CSF1R: variants seen among roughly 807,000 people sequenced by gnomAD.
CSF1R encodes the protein colony stimulating factor 1 receptor, also known as macrophage colony-stimulating factor 1 receptor.
In CSF1R, 40 loss-of-function variants were observed where a neutral mutation model predicts 110.0. The observed-to-expected ratio is 0.36, with a 90% CI of 0.28 to 0.47. The LOEUF (loss-of-function observed/expected upper bound fraction) is 0.47. CSF1R is among the 20% of genes least tolerant of loss of function. The probability of loss-of-function intolerance (pLI) is 0.99; values close to 1 mark genes in which losing one functional copy is unlikely to be tolerated. For missense variants in CSF1R, 1,052 were observed against 1,253.0 expected (o/e 0.84, Z 2.42); for synonymous variants, 523 against 503.4 (o/e 1.04, Z -0.52).
At chr5:150,057,199 C>T in intron 16 of CSF1R, 88 bp downstream of exon 16, 2 of 1,137,350 alleles carry the variant, frequency 1.8e-6, no homozygotes, top group Non-Finnish European at 2.6e-6. Flanking sequence ...CTCACAGGCT[C>T]CCGTTTCCTC....
intron 1 of CSF1R, 125 bp from the exon 2 acceptor site, chr5:150,081,149 C>T (rs1186228743): frequency 5.1e-5 from 54 of 1,050,958 alleles, no homozygotes; most frequent in Admixed American, 6.6e-5. Flanking sequence ...CCACCTTGAA[C>T]GAGCCCCTGC....
intron 1 of CSF1R, among the ~76,000 whole-genome samples, chr5:150,101,727 C>G (rs1322561095): frequency 5.9e-5 from 9 of 151,344 alleles, no homozygotes; most frequent in Non-Finnish European, 1.2e-4. Context: ...TACACTGTCC[C>G]CATAAATGGA....
Position 150,071,213 on chromosome 5 carries a change from T to A in CSF1R, c.1083-642A>T, listed in dbSNP as rs1276081966. Among the ~76,000 whole-genome samples, 5 of 152,198 alleles carry A rather than the reference T, an allele frequency of 3.3e-5. No individual in the cohort carries two copies. The South Asian group carries it at 6.2e-4, about 19-fold the overall frequency. On this transcript the variant is annotated intron_variant, in intron 6 of 20. Coordinates refer to ENST00000675795, the MANE Select transcript of CSF1R (RefSeq NM_001288705.3). ...CACTCAATTCAATGGTACCCTTTAT[T>A]ACAGAAAAGGCCCTGGAGCAAAAAC...
At chr5:150,061,425 CA>C (rs1315060488) in intron 12 of CSF1R, 65 bp downstream of exon 12, 2 of 1,296,628 alleles carry the variant, frequency 1.5e-6, no homozygotes, top group Non-Finnish European at 2.2e-6. Context: ...CTTGTGACAC[CA>C]GGGCCAGCCC....
intron 9 of CSF1R, 116 bp from the exon 10 acceptor site, chr5:150,068,446 T>C: frequency 6.1e-6 from 4 of 653,248 alleles, no homozygotes; most frequent in Non-Finnish European, 1.0e-5. Flanking sequence ...GTTGACTGAA[T>C]GAAGCATCCT....
At chr5:150,113,299 CTCTTCCTCTTCT>C (rs1239281385) in exon 1 of CSF1R, 1 of 156,848 alleles carries the variant, frequency 6.4e-6, no homozygotes, top group African/African-American at 2.4e-5. Flanking sequence ...CTTCCTCTTC[CTCTTCCTCTTCT>C]CTCTTCTCCA....
At chr5:150,103,736 T>C (rs1276424588) in intron 1 of CSF1R, among the ~76,000 whole-genome samples, 2 of 151,964 alleles carry the variant, frequency 1.3e-5, no homozygotes, top group African/African-American at 4.8e-5. Flanking sequence ...GGAGAGGGAA[T>C]AGCATAGGGG....
intron 10 of CSF1R, among the ~76,000 whole-genome samples, chr5:150,065,009 G>A (rs927167660): frequency 1.3e-5 from 2 of 152,206 alleles, no homozygotes; most frequent in Non-Finnish European, 2.9e-5. Context: ...AAGGGTGGAC[G>A]TAATTGTCAT....
chr5:150,080,152 G>T lies in CSF1R; in HGVS notation c.492C>A (p.Ile164=). 2.5e-6 allele frequency: 4 copies of T among 1,614,096 alleles called. No individual in the cohort carries two copies. Among genetic ancestry groups the T allele is most frequent in the Non-Finnish European group, 3.4e-6 (4 of 1,180,054 alleles). The change falls in exon 3 of 21, where the codon ATC becomes ATA. Residue 164 remains isoleucine, a synonymous_variant. Transcript: ENST00000675795. ...GGCTCTGAATGAACTTGGCCCTGTG[G>T]ATGGTGAAGCCATGCCAGGGCGAGA... is the stretch of plus-strand genomic sequence containing the variant. ...YSFSPWHGFT[I]HRAKFIQSQD...
chr5:150,074,804 C>T (rs749827286), intron 5 of CSF1R, among the ~76,000 whole-genome samples: 9 of 152,024 alleles, frequency 5.9e-5, no homozygotes, highest in East Asian at 1.9e-4. Flanking sequence ...CAAATCAGGT[C>T]TCACTGTGCT....
chr5:150,099,920 A>G (rs1189880630), intron 1 of CSF1R, among the ~76,000 whole-genome samples: 1 of 152,246 alleles, frequency 6.6e-6, no homozygotes, highest in African/African-American at 2.4e-5. Context: ...AAGGGCCAGG[A>G]ATAACCAAGA....
At chr5:150,089,987 G>A (rs1020907890), upstream of CSF1R, among the ~76,000 whole-genome samples, 4 of 152,226 alleles carry the variant, frequency 2.6e-5, no homozygotes, top group Admixed American at 2.0e-4. Context: ...GCAGAAGAAT[G>A]AAGTTGAATC....
chr5:150,074,548 T>A (rs1284045689), intron 5 of CSF1R, among the ~76,000 whole-genome samples: 1 of 152,098 alleles, frequency 6.6e-6, no homozygotes, highest in African/African-American at 2.4e-5. Context: ...GGCAAGGGAA[T>A]TGTGGCAAGA....
intron 1 of CSF1R, among the ~76,000 whole-genome samples, chr5:150,095,705 G>A (rs1581344120): frequency 7.2e-6 from 1 of 138,378 alleles, no homozygotes; most frequent in East Asian, 2.1e-4. Flanking sequence ...AAGAGTTAGG[G>A]AAAATTAATA....
intron 6 of CSF1R, among the ~76,000 whole-genome samples, chr5:150,072,925 A>G (rs1758088259): frequency 6.6e-6 from 1 of 152,174 alleles, no homozygotes; most frequent in African/African-American, 2.4e-5. Context: ...TTGTGCAGTC[A>G]TTATCAGGAG....
rs1255014994 is a variant in CSF1R, at chr5:150,070,300, G to A, written c.1201C>T (p.Pro401Ser). ...GTCCATATGACGCTTACCTCTGGGG[G>A]GTCTGAGGAAGAAAGGAGGAGGCCC... ...ALTFELTLRY[P>S]PEVSVIWTFI... is the part of the protein sequence containing the mutation. Residue 401 changes from proline to serine, a missense_variant and splice_region_variant, in exon 8 of 21, where the codon CCC becomes TCC. Transcript: ENST00000675795. 1 of 1,613,324 alleles carries A rather than the reference G, an allele frequency of 6.2e-7. No homozygotes were observed. Among genetic ancestry groups the A allele is most frequent in the Non-Finnish European group, 8.5e-7 (1 of 1,179,520 alleles).
chr5:150,101,069 A>T (rs1359062497), intron 1 of CSF1R, among the ~76,000 whole-genome samples: 1 of 150,430 alleles, frequency 6.6e-6, no homozygotes, highest in Non-Finnish European at 1.5e-5. Flanking sequence ...AGTTGCTCTC[A>T]GAAAAAAAAA....
chr5:150,081,888 C>T (rs1247322104), intron 1 of CSF1R, among the ~76,000 whole-genome samples: 1 of 152,194 alleles, frequency 6.6e-6, no homozygotes, highest in Non-Finnish European at 1.5e-5. Flanking sequence ...GCCTCTGCAG[C>T]GTCAGCATTT....
At position 150,061,074 on chromosome 5, in the gene CSF1R, G is replaced by A. The variant is rs1757492870; in HGVS notation, c.1859-102C>T. On this transcript the variant is annotated intron_variant, in intron 12 of 20. Transcript: ENST00000675795. The stretch of plus-strand genomic sequence containing the variant: ...ATGCAGAGACCCAGGGGAGAAAGCA[G>A]GGCATACCCCAAGACCCGGAGTGAC... 6.0e-6 allele frequency: 5 copies of A among 827,120 alleles called. No homozygotes were observed. In the South Asian group the frequency reaches 8.2e-5, roughly 13 times the overall value. The allele number at this position is 827,120 out of a possible 1,614,324, so 51.2% of individuals were successfully genotyped here.
Sources: allele counts gnomAD v4.1 joint callset (sites outside exome capture counted in the v4.1 genomes callset), GRCh38; gene constraint gnomAD v4.1.1; transcripts MANE v1.5; gene names NCBI Gene and HGNC (gene_info 2026-07-23, HGNC 2026-07-21).